The following WDR88 variants were observed in gnomAD, a reference collection of about 807,000 sequenced individuals.
The protein encoded by WDR88 is WD repeat-containing protein 88.
Under a neutral mutation model 46.8 loss-of-function variants are expected in WDR88, and 40 were observed. The observed-to-expected ratio is 0.86, with a 90% CI of 0.66 to 1.11. The LOEUF (loss-of-function observed/expected upper bound fraction) is 1.11, where lower values mean the gene tolerates loss of function less well. Ranked by LOEUF, WDR88 falls within the 50% of genes most tolerant of loss-of-function variation. The pLI is 0.00. For missense variants in WDR88, 562 were observed against 602.4 expected, an observed-to-expected ratio of 0.93 and a Z score of 0.70; for synonymous variants, 235 against 240.7, an observed-to-expected ratio of 0.98 and a Z score of 0.22.
intron 6 of WDR88, among the ~76,000 whole-genome samples, chr19:33,152,409 CT>C (rs1164745963): frequency 4.6e-5 from 7 of 152,022 alleles, no homozygotes; most frequent in African/African-American, 1.7e-4. Context: ...TAAGCAATAA[CT>C]CCCCATTCCC....
intron 10 of WDR88, chr19:33,174,828 G>A (rs1974097181): frequency 3.0e-6 from 3 of 984,824 alleles, no homozygotes; most frequent in East Asian, 1.1e-4. Context: ...GACATGAGCT[G>A]GCAGGAGACA....
rs1003632299 is a variant in WDR88 at position 33,132,880 on chromosome 19, C to T, written c.276+435C>T. 4.6e-5 allele frequency among the ~76,000 whole-genome samples: 7 copies of T among 152,166 alleles called. No homozygotes were observed. In the South Asian group the frequency reaches 1.2e-3, roughly 27 times the overall value. On this transcript the variant is annotated intron_variant, in intron 1 of 10. Transcript: ENST00000355868. ...ATAATAATAACAACAATGAATTGGGCCAGGCAAGGTGGCTCACACCTGTAA... is the reference window on the plus strand; with the variant it reads ...ATAATAATAACAACAATGAATTGGGTCAGGCAAGGTGGCTCACACCTGTAA...
In WDR88 at chr19:33,171,823, G is replaced by A. The variant is rs570031769; in HGVS notation, c.1150-525G>A. 3.3e-5 allele frequency among the ~76,000 whole-genome samples: 5 copies of A among 152,308 alleles called. No individual in the cohort carries two copies. In the East Asian group the frequency reaches 9.7e-4, roughly 29 times the overall value. The stretch of plus-strand genomic sequence containing the variant: ...GAGTCTCACTCTGTCGCACAGGCTT[G>A]AGTGCAGTGGTGCGATCTTGGCTCA... On this transcript the variant is annotated intron_variant, in intron 9 of 10. Coordinates refer to ENST00000355868, the MANE Select transcript of WDR88 (RefSeq NM_173479.4).
At chr19:33,150,733 G>T (rs754407620) in intron 5 of WDR88, among the ~76,000 whole-genome samples, 3 of 152,246 alleles carry the variant, frequency 2.0e-5, no homozygotes, top group Non-Finnish European at 4.4e-5. Flanking sequence ...CCATGCTTCA[G>T]ACTCCAGCTT....
intron 9 of WDR88, among the ~76,000 whole-genome samples, chr19:33,165,368 A>C (rs1477166768): frequency 6.6e-6 from 1 of 152,104 alleles, no homozygotes; most frequent in East Asian, 1.9e-4. Flanking sequence ...GAAAAAAAAA[A>C]CAACAAACCC....
intron 3 of WDR88, among the ~76,000 whole-genome samples, chr19:33,147,407 A>C (rs1425863134): frequency 6.6e-6 from 1 of 152,146 alleles, no homozygotes; most frequent in Non-Finnish European, 1.5e-5. Flanking sequence ...GTTTGAGACC[A>C]GCCTGGCCAA....
intron 1 of WDR88, among the ~76,000 whole-genome samples, chr19:33,134,450 C>G (rs868646156): frequency 8.2e-4 from 125 of 152,234 alleles, no homozygotes; most frequent in African/African-American, 2.8e-3. Flanking sequence ...TCCTGGGCCT[C>G]CCAAAGCACT....
At chr19:33,145,021 TTAAG>T in intron 3 of WDR88, 89 bp downstream of exon 3, 1 of 1,266,420 alleles carries the variant, frequency 7.9e-7, no homozygotes. Flanking sequence ...TGTTTTTGTT[TTAAG>T]TAATAGATAT....
chr19:33,166,592 G>A (rs1397262270), intron 9 of WDR88, among the ~76,000 whole-genome samples: 1 of 150,860 alleles, frequency 6.6e-6, no homozygotes, highest in East Asian at 2.0e-4. Flanking sequence ...GTGAGACCCT[G>A]TCTCTTTAAA....
intron 3 of WDR88, among the ~76,000 whole-genome samples, chr19:33,145,425 C>G (rs987458742): frequency 6.6e-6 from 1 of 152,156 alleles, no homozygotes; most frequent in Non-Finnish European, 1.5e-5. Flanking sequence ...GCTGGAATTA[C>G]AGGCATGAGC....
rs551943471 is a variant in WDR88, at chr19:33,165,043, C to T, written c.1149+778C>T. Among the ~76,000 whole-genome samples the T allele has an allele frequency of 4.1e-3, 626 of 151,990 alleles. 2 individuals are homozygous for T. The highest frequency in any genetic ancestry group is 0.01 in the Middle Eastern group (3 of 294). ...CATAAGGAGCACACAGCCTAGATCCCTTGCATGCACAGTTCACAATAGCCT... is the reference window on the plus strand; with the variant it reads ...CATAAGGAGCACACAGCCTAGATCCTTTGCATGCACAGTTCACAATAGCCT... On this transcript the variant is annotated intron_variant, in intron 9 of 10. Transcript: ENST00000355868.
chr19:33,168,247 T>G (rs1973986143), intron 9 of WDR88, among the ~76,000 whole-genome samples: 1 of 151,496 alleles, frequency 6.6e-6, no homozygotes, highest in Admixed American at 6.6e-5. Flanking sequence ...AGGGTGGTCT[T>G]GAACTCCTGA....
chr19:33,134,688 C>CGG (rs982618726), intron 1 of WDR88, among the ~76,000 whole-genome samples: 35 of 152,000 alleles, frequency 2.3e-4, no homozygotes, highest in Non-Finnish European at 4.6e-4. Context: ...CCTGGCCCGA[C>CGG]GGGGTTAGCG....
At chr19:33,141,008 C>T (rs1304897421) in intron 2 of WDR88, among the ~76,000 whole-genome samples, 1 of 148,708 alleles carries the variant, frequency 6.7e-6, no homozygotes, top group Non-Finnish European at 1.5e-5. Flanking sequence ...AAGAACACAG[C>T]TCACTGCACC....
intron 7 of WDR88, among the ~76,000 whole-genome samples, chr19:33,158,933 C>A (rs1973813431): frequency 6.6e-6 from 1 of 152,146 alleles, no homozygotes; most frequent in Non-Finnish European, 1.5e-5. Context: ...CTCCTGTCCT[C>A]ATGTGATCTG....
chr19:33,168,459 G>A (rs1004411863), intron 9 of WDR88, among the ~76,000 whole-genome samples: 33 of 152,188 alleles, frequency 2.2e-4, no homozygotes, highest in African/African-American at 8.0e-4. Context: ...CAAAAAAGCA[G>A]TTGTGTTTCT....
At chr19:33,143,645 A>T (rs1240844756) in intron 2 of WDR88, among the ~76,000 whole-genome samples, 2 of 35,110 alleles carry the variant, frequency 5.7e-5, no homozygotes, top group Non-Finnish European at 8.4e-5. Flanking sequence ...ACCCTCTCTC[A>T]AAAAAAAAAA....
At chr19:33,137,608 A>T in intron 1 of WDR88, 69 bp from the exon 2 acceptor site, 1 of 1,348,142 alleles carries the variant, frequency 7.4e-7, no homozygotes, top group Non-Finnish European at 1.0e-6. Flanking sequence ...TTAGAAATAT[A>T]ATTAACTGTT....
intron 8 of WDR88, among the ~76,000 whole-genome samples, chr19:33,161,130 G>A (rs138133553): frequency 0.055 from 8,371 of 152,202 alleles, 314 homozygotes; most frequent in African/African-American, 0.095. Context: ...CCAAGATTGT[G>A]CCACTGCACT....
Sources: gnomAD v4.1 joint callset for allele counts (sites outside exome capture counted in the v4.1 genomes callset) on GRCh38, gnomAD v4.1.1 for gene constraint, MANE v1.5 for transcripts, NCBI Gene and HGNC (gene_info 2026-07-23, HGNC 2026-07-21) for gene names.